Variants in THOC2 observed in about 807,000 individuals in gnomAD.
The protein encoded by THOC2 is THO complex subunit 2.
THOC2 carries 10 observed loss-of-function variants against 128.4 expected under a neutral mutation model. That is an observed-to-expected ratio of 0.08 (90% CI 0.05 to 0.13). The LOEUF (loss-of-function observed/expected upper bound fraction) is 0.13. Among genes scored for constraint, THOC2 ranks in the 10% least tolerant of loss-of-function variants. THOC2 has a pLI of 1.00. For synonymous variants in THOC2, 393 were observed against 396.9 expected, an observed-to-expected ratio of 0.99 and a Z score of 0.12; for missense variants, 535 against 1,155.7, an observed-to-expected ratio of 0.46 and a Z score of 7.79.
chrX:123,672,724 CTT>C (rs956757720), intron 8 of THOC2, among the ~76,000 whole-genome samples: 1 of 111,955 alleles, frequency 8.9e-6, no homozygotes, highest in Non-Finnish European at 1.9e-5. Context: ...ACATAAGAAT[CTT>C]TGAATGCTAT....
intron 34 of THOC2, 135 bp from the exon 35 acceptor site, chrX:123,613,843 G>T: frequency 1.4e-6 from 1 of 712,270 alleles, no homozygotes; most frequent in Non-Finnish European, 2.1e-6. Context: ...TGGTAAAATG[G>T]CATGAAAGAC....
At chrX:123,725,398 G>A (rs760506630) in intron 1 of THOC2, among the ~76,000 whole-genome samples, 1 of 94,787 alleles carries the variant, frequency 1.1e-5, no homozygotes, top group Non-Finnish European at 2.0e-5. Flanking sequence ...AGCCTAGCCA[G>A]CCTAGCCAAC....
At chrX:123,638,189 G>T in intron 17 of THOC2, 66 bp from the exon 18 acceptor site, 1 of 725,560 alleles carries the variant, frequency 1.4e-6, no homozygotes, top group Non-Finnish European at 2.0e-6. Flanking sequence ...ACATGAATAT[G>T]CCACATCATA....
At chrX:123,697,418 T>A (rs2050490605) in intron 5 of THOC2, among the ~76,000 whole-genome samples, 1 of 112,489 alleles carries the variant, frequency 8.9e-6, no homozygotes, top group Admixed American at 9.5e-5. Context: ...AATGCTTACC[T>A]TTTTCTTAGG....
Position 123,697,670 on chromosome X carries a change from T to C in THOC2, c.345+11A>G. 1.0e-6 allele frequency: 1 copy of C among 1,001,562 alleles called. No individual in the cohort carries two copies. Among genetic ancestry groups the C allele is most frequent in the Non-Finnish European group, 1.4e-6 (1 of 731,409 alleles). The allele number at this position is 1,001,562 out of a possible 1,213,427, so 82.5% of individuals were successfully genotyped here. A position where few individuals can be genotyped will look rare whatever the true frequency, so the allele number is the denominator to read the frequency against. On this transcript the variant is annotated intron_variant, in intron 5 of 38. Coordinates refer to ENST00000245838, the MANE Select transcript of THOC2 (RefSeq NM_001081550.2). ...GATTTTTAAAAGGGAAAAATATTTT[T>C]AAAAACTTACCAAACATGCTAATAC...
chrX:123,632,489 C>CA (rs11324625), intron 21 of THOC2, among the ~76,000 whole-genome samples: 1,699 of 34,108 alleles, frequency 0.05, 28 homozygotes, highest in Non-Finnish European at 0.067. Flanking sequence ...GGCTTTGTCT[C>CA]AAAAAAAAAA....
chrX:123,726,524 A>T (rs1325447504), intron 1 of THOC2, among the ~76,000 whole-genome samples: 1 of 110,462 alleles, frequency 9.1e-6, no homozygotes, highest in Non-Finnish European at 1.9e-5. Flanking sequence ...AAAAAAAAAA[A>T]AAAAAACTTC....
chrX:123,638,750 A>ACACTCT (rs1439028703), intron 17 of THOC2, among the ~76,000 whole-genome samples, 184 bp downstream of exon 17: 1 of 99,170 alleles, frequency 1.0e-5, no homozygotes, highest in African/African-American at 3.8e-5. Flanking sequence ...ACACACACAC[A>ACACTCT]CTCTCTCTCT....
intron 38 of THOC2, among the ~76,000 whole-genome samples, chrX:123,609,831 C>T (rs914612010): frequency 9.1e-6 from 1 of 110,088 alleles, no homozygotes; most frequent in African/African-American, 3.3e-5. Flanking sequence ...GAGTTCAAGA[C>T]CAGCCTAGCC....
chrX:123,620,463 G>A (rs1015219179), intron 32 of THOC2: 2 of 114,272 alleles, frequency 1.8e-5, no homozygotes, highest in Non-Finnish European at 3.7e-5. Context: ...GGCACACATC[G>A]GTATGATGCT....
At chrX:123,616,054 C>A (rs954322766) in intron 33 of THOC2, among the ~76,000 whole-genome samples, 1 of 111,143 alleles carries the variant, frequency 9.0e-6, no homozygotes, top group African/African-American at 3.3e-5. Flanking sequence ...CTGTCCTTTC[C>A]AGCAGTTCTC....
rs766750160 is a variant in THOC2, at chrX:123,639,040, A to G, written c.1747-13T>C. The G allele has an allele frequency of 3.3e-5, 33 of 1,000,052 alleles. No individual in the cohort carries two copies. The Middle Eastern group carries it at 7.7e-4, about 23-fold the overall frequency. The allele number at this position is 1,000,052 out of a possible 1,213,427, so 82.4% of individuals were successfully genotyped here. The stretch of plus-strand genomic sequence containing the variant: ...TTTGTGACAAGATCTGGAAAACAGC[A>G]ACAAACAATAGAAGGCATTAACTGA... On this transcript the variant is annotated splice_polypyrimidine_tract_variant and intron_variant, in intron 16 of 38. Transcript: ENST00000245838.
chrX:123,616,275 C>A (rs1182769118), intron 33 of THOC2, among the ~76,000 whole-genome samples: 2 of 110,797 alleles, frequency 1.8e-5, no homozygotes, highest in Admixed American at 1.9e-4. Context: ...GGTAGAAGAG[C>A]TAAGGTGCCT....
chrX:123,657,958 T>C (rs1184577883), intron 12 of THOC2, among the ~76,000 whole-genome samples: 1 of 64,027 alleles, frequency 1.6e-5, no homozygotes, highest in African/African-American at 6.4e-5. Flanking sequence ...CATACGCATA[T>C]GCGTGTGTGT....
intron 12 of THOC2, among the ~76,000 whole-genome samples, chrX:123,657,208 G>A (rs747210272): frequency 5.4e-5 from 6 of 110,718 alleles, no homozygotes; most frequent in African/African-American, 2.0e-4. Context: ...AAAGCAAAGA[G>A]AAAAAAGTCT....
At chrX:123,673,776 T>C (rs2049375466) in intron 8 of THOC2, among the ~76,000 whole-genome samples, 1 of 112,333 alleles carries the variant, frequency 8.9e-6, no homozygotes, top group Non-Finnish European at 1.9e-5. Flanking sequence ...GTAACGCAGT[T>C]AACTGGTAGC....
At chrX:123,648,992 G>A (rs1223018325) in intron 12 of THOC2, among the ~76,000 whole-genome samples, 1 of 112,256 alleles carries the variant, frequency 8.9e-6, no homozygotes, top group Non-Finnish European at 1.9e-5. Flanking sequence ...TCCTCAAGTG[G>A]GTCCCTGATC....
chrX:123,700,539 G>A (rs2050654450), intron 4 of THOC2, among the ~76,000 whole-genome samples: 1 of 63,074 alleles, frequency 1.6e-5, no homozygotes, highest in South Asian at 1.5e-3. Context: ...GAGGTGGTGA[G>A]GGGGTGGGGG....
intron 1 of THOC2, among the ~76,000 whole-genome samples, chrX:123,714,872 C>T (rs1465661023): frequency 9.0e-6 from 1 of 111,577 alleles, no homozygotes; most frequent in Admixed American, 9.6e-5. Context: ...AAATTAAACA[C>T]ATTCTTGAAC....
Sources: gnomAD v4.1 joint callset for allele counts (sites outside exome capture counted in the v4.1 genomes callset) on GRCh38, gnomAD v4.1.1 for gene constraint, MANE v1.5 for transcripts, NCBI Gene and HGNC (gene_info 2026-07-23, HGNC 2026-07-21) for gene names.